The following TIAM1 variants were observed in gnomAD, a reference collection of about 807,000 sequenced individuals.
TIAM1 encodes rho guanine nucleotide exchange factor TIAM1.
In TIAM1, 65 loss-of-function variants were observed where a neutral mutation model predicts 163.5. That is an observed-to-expected ratio of 0.40 (90% CI 0.33 to 0.49). TIAM1 has a LOEUF of 0.49. TIAM1 is among the 20% of genes least tolerant of loss of function. TIAM1 has a pLI of 0.77. For missense variants in TIAM1, 1,789 were observed against 2,044.7 expected, an observed-to-expected ratio of 0.87 and a Z score of 2.41; for synonymous variants, 833 against 810.1, an observed-to-expected ratio of 1.03 and a Z score of -0.48.
At chr21:31,523,917 C>CA (rs376067896) in intron 1 of TIAM1, among the ~76,000 whole-genome samples, 8,367 of 92,080 alleles carry the variant, frequency 0.091, 379 homozygotes, top group Admixed American at 0.21. Context: ...GATTCCATCT[C>CA]AAAAAAAAAA....
chr21:31,210,625 GAA>G lies in TIAM1; in HGVS notation c.2218-412_2218-411del, dbSNP rs1179983318. Among the ~76,000 whole-genome samples the G allele has an allele frequency of 6.2e-3, 112 of 18,116 alleles. 1 individual carries two copies. Among genetic ancestry groups the G allele is most frequent in the Middle Eastern group, 0.022 (1 of 46 alleles). The allele number at this position is 18,116 out of a possible 152,430, so 11.9% of individuals were successfully genotyped here. ...AAGAAGGAAGGAAGGGAGAAAGAAAGAAAGAAAGAAAGAAAGAAAGAAAGAAA... is the reference window on the plus strand; with the variant it reads ...AAGAAGGAAGGAAGGGAGAAAGAAAGAGAAAGAAAGAAAGAAAGAAAGAAA... On this transcript the variant is annotated intron_variant, in intron 10 of 27. Coordinates refer to ENST00000541036, the MANE Select transcript of TIAM1 (RefSeq NM_001353694.2).
intron 1 of TIAM1, among the ~76,000 whole-genome samples, chr21:31,541,230 G>A (rs1023256709): frequency 1.3e-5 from 2 of 152,188 alleles, no homozygotes; most frequent in African/African-American, 2.4e-5. Context: ...GCTGAGGCGG[G>A]CAGATCACTT....
chr21:31,261,434 G>C (rs908749114), intron 4 of TIAM1, among the ~76,000 whole-genome samples: 1 of 152,072 alleles, frequency 6.6e-6, no homozygotes, highest in Non-Finnish European at 1.5e-5. Flanking sequence ...ATTTTTGGCC[G>C]GGTGCGGTGG....
intron 2 of TIAM1, among the ~76,000 whole-genome samples, chr21:31,424,768 TG>T (rs2043722327): frequency 6.6e-6 from 1 of 152,186 alleles, no homozygotes; most frequent in Non-Finnish European, 1.5e-5. Context: ...AGTGCTAAGA[TG>T]GGCTGGCGCA....
At chr21:31,311,002 C>A (rs568423506) in intron 2 of TIAM1, among the ~76,000 whole-genome samples, 48 of 152,188 alleles carry the variant, frequency 3.2e-4, no homozygotes, top group Non-Finnish European at 6.0e-4. Flanking sequence ...AAATAGAGTG[C>A]AAACTTGTCT....
intron 8 of TIAM1, among the ~76,000 whole-genome samples, chr21:31,219,036 T>A (rs2087393838): frequency 6.9e-6 from 1 of 144,342 alleles, no homozygotes; most frequent in Non-Finnish European, 1.5e-5. Context: ...TTTTTTTTTT[T>A]TTTTTTTTTT....
chr21:31,423,168 C>T (rs796724970), intron 2 of TIAM1, among the ~76,000 whole-genome samples: 6 of 146,280 alleles, frequency 4.1e-5, no homozygotes, highest in Non-Finnish European at 7.5e-5. Flanking sequence ...GCATGATCTC[C>T]GCTCACTGCA....
intron 15 of TIAM1, among the ~76,000 whole-genome samples, chr21:31,179,538 G>C (rs560319235): frequency 1.4e-5 from 2 of 143,520 alleles, no homozygotes; most frequent in South Asian, 2.1e-4. Flanking sequence ...AGTTATGGCC[G>C]CTTAATTGAA....
At chr21:31,422,491 A>T (rs1006701385) in intron 2 of TIAM1, among the ~76,000 whole-genome samples, 1 of 152,174 alleles carries the variant, frequency 6.6e-6, no homozygotes, top group African/African-American at 2.4e-5. Flanking sequence ...ATTTTTAACA[A>T]GGAACCCTAG....
Position 31,535,659 on chromosome 21 carries a change from A to G in TIAM1, c.-422+23268T>C, listed in dbSNP as rs997431755. Among the ~76,000 whole-genome samples the G allele has an allele frequency of 3.9e-5, 6 of 152,106 alleles. No homozygotes were observed. In the East Asian group the frequency reaches 1.2e-3, roughly 29 times the overall value. On this transcript the variant is annotated intron_variant, in intron 1 of 28. Transcript: ENST00000286827. ...CCACAAGCCCTCTACCTGGTTCTCT[A>G]TCTAGGTCTTTTCCTCCTTCCCATT...
chr21:31,120,207 A>C lies in TIAM1; in HGVS notation c.*161T>G. 1 of 632,734 alleles carries C rather than the reference A, an allele frequency of 1.6e-6. No individual in the cohort carries two copies. The highest frequency in any genetic ancestry group is 2.8e-5 in the East Asian group (1 of 35,488). 39.2% of individuals were successfully genotyped at this position (632,734 alleles called of 1,614,324 possible). Reference sequence around the variant, plus strand: ...ATTCTTTCTGATGTTGTTGAAAATGACAAAGTTGGGTGGCTACATGGCTTC... The same window carrying C: ...ATTCTTTCTGATGTTGTTGAAAATGCCAAAGTTGGGTGGCTACATGGCTTC... On this transcript the variant is annotated 3_prime_UTR_variant, in exon 28 of 28. Transcript: ENST00000541036. The surrounding 1 kb of genome is among the most constrained non-coding windows in gnomAD (Gnocchi z 4.2).
rs530829995 is a variant in TIAM1, at chr21:31,294,587, A to G, written c.-188-17679T>C. Reference sequence around the variant, plus strand: ...TCCTCAGTAAAATTTAGCACCTAGTAAGGGCTTTAAAAATGTTGGGCTTCA... The same window carrying G: ...TCCTCAGTAAAATTTAGCACCTAGTGAGGGCTTTAAAAATGTTGGGCTTCA... On this transcript the variant is annotated intron_variant, in intron 2 of 27. Transcript: ENST00000541036. Among the ~76,000 whole-genome samples, 5 of 152,328 alleles carry G rather than the reference A, an allele frequency of 3.3e-5. No homozygotes were observed. The East Asian group carries it at 9.6e-4, about 29-fold the overall frequency.
At chr21:31,339,469 A>T (rs965902840) in intron 1 of TIAM1, 47 bp from the exon 2 acceptor site, 1 of 398,430 alleles carries the variant, frequency 2.5e-6, no homozygotes, top group Non-Finnish European at 4.4e-6. Context: ...CTTCGTTTTT[A>T]CATACCTCTA....
At chr21:31,436,016 T>C (rs1299623003) in intron 2 of TIAM1, among the ~76,000 whole-genome samples, 1 of 152,200 alleles carries the variant, frequency 6.6e-6, no homozygotes, top group African/African-American at 2.4e-5. Flanking sequence ...GGTATTTTGT[T>C]ATAGCAGCCC....
intron 14 of TIAM1, among the ~76,000 whole-genome samples, chr21:31,184,660 A>G (rs1051163373): frequency 1.3e-5 from 2 of 152,154 alleles, no homozygotes; most frequent in Admixed American, 6.5e-5. Context: ...AAACCGGCAC[A>G]CTCGTTGTGA....
At chr21:31,142,753 T>C (rs2082915505) in intron 20 of TIAM1, among the ~76,000 whole-genome samples, 1 of 151,872 alleles carries the variant, frequency 6.6e-6, no homozygotes, top group Non-Finnish European at 1.5e-5. Flanking sequence ...CCCACGGTGA[T>C]CTACTCAAAG....
At chr21:31,428,782 C>G (rs1229342477) in intron 2 of TIAM1, among the ~76,000 whole-genome samples, 1 of 150,630 alleles carries the variant, frequency 6.6e-6, no homozygotes, top group Non-Finnish European at 1.5e-5. Context: ...ACTGGGGAGG[C>G]TGAGGTGGGA....
At chr21:31,473,429 CAAAAAAAAAAA>C (rs56691495) in intron 1 of TIAM1, among the ~76,000 whole-genome samples, 15 of 75,658 alleles carry the variant, frequency 2.0e-4, no homozygotes, top group Non-Finnish European at 3.2e-4. Context: ...GACTCCATCT[CAAAAAAAAAAA>C]AAAAAAAAAA....
At chr21:31,289,634 G>A (rs891006201) in intron 2 of TIAM1, among the ~76,000 whole-genome samples, 16 of 152,252 alleles carry the variant, frequency 1.1e-4, no homozygotes, top group African/African-American at 3.9e-4. Flanking sequence ...AAAAGCATAT[G>A]AAGTCATTGC....
Sources: gnomAD v4.1 joint callset for allele counts (sites outside exome capture counted in the v4.1 genomes callset) on GRCh38, gnomAD v4.1.1 for gene constraint, Gnocchi (gnomAD v3.1) non-coding constraint, MANE v1.5 for transcripts, NCBI Gene and HGNC (gene_info 2026-07-23, HGNC 2026-07-21) for gene names.